The following WIZ variants were observed in gnomAD, a reference collection of about 807,000 sequenced individuals.
The protein encoded by WIZ is WIZ zinc finger.
WIZ carries 25 observed loss-of-function variants against 140.2 expected under a neutral mutation model. The observed-to-expected ratio is 0.18, with a 90% CI of 0.13 to 0.25. The LOEUF (loss-of-function observed/expected upper bound fraction) is 0.25, where lower values mean the gene tolerates loss of function less well. Ranked by LOEUF, WIZ falls within the 10% of genes least tolerant of loss-of-function variation. The pLI, the probability that WIZ is intolerant of heterozygous loss-of-function variation, is 1.00. For synonymous variants in WIZ, 1,125 were observed against 1,154.3 expected (o/e 0.97, Z 0.51); for missense variants, 2,231 against 2,632.6 (o/e 0.85, Z 3.34).
rs755049640 is a variant in WIZ, at chr19:15,439,575, C to T, written c.1419G>A (p.Ala473=). The change falls in exon 4 of 13, where the codon GCG becomes GCA. Residue 473 remains alanine (A), a synonymous_variant. Coordinates refer to ENST00000673675, the MANE Select transcript of WIZ (RefSeq NM_001371589.1). This position sits in a 1 kb window ranked among gnomAD's most constrained non-coding sequence, Gnocchi z 7.0. ...LSACVFCGFP[A]PSESLLREHV... ...GCTCCCTGAGCAGGCTCTCGCTGGG[C>T]GCGGGGAAACCACAGAAGACACAGG... 7.0e-5 allele frequency: 104 copies of T among 1,490,752 alleles called. No homozygotes were observed. Among genetic ancestry groups the T allele is most frequent in the Admixed American group, 1.6e-4 (7 of 43,778 alleles). 92.3% of individuals were successfully genotyped at this position (1,490,752 alleles called of 1,614,324 possible). A position where few individuals can be genotyped will look rare whatever the true frequency, so the allele number is the denominator to read the frequency against.
At position 15,428,609 on chromosome 19, in the gene WIZ, G is replaced by A; in HGVS notation, c.3416-101C>T. 2.1e-6 allele frequency: 3 copies of A among 1,403,848 alleles called. No individual in the cohort carries two copies. Among genetic ancestry groups the A allele is most frequent in the Non-Finnish European group, 2.9e-6 (3 of 1,038,246 alleles). The allele number at this position is 1,403,848 out of a possible 1,614,324, so 87.0% of individuals were successfully genotyped here. A position where few individuals can be genotyped will look rare whatever the true frequency, so the allele number is the denominator to read the frequency against. On this transcript the variant is annotated intron_variant, in intron 7 of 12. Coordinates refer to ENST00000673675, the MANE Select transcript of WIZ (RefSeq NM_001371589.1). This position sits in a 1 kb window ranked among gnomAD's most constrained non-coding sequence, Gnocchi z 6.4. ...GGTGTGATTTTTGGCTGCTCAGGCA[G>A]TTGGGGGGTCCAAGACTCAGGCCGC...
intron 5 of WIZ, among the ~76,000 whole-genome samples, chr19:15,431,773 G>A (rs1969255818): frequency 6.6e-6 from 1 of 152,248 alleles, no homozygotes; most frequent in Non-Finnish European, 1.5e-5. Context: ...TCTGACTTCG[G>A]ACAGAAAGAG....
chr19:15,424,674 A>G lies in WIZ; in HGVS notation c.5253T>C (p.Pro1751=), dbSNP rs1344149383. ...AGRAADGGER[P]LAASPPGTVK... The stretch of plus-strand genomic sequence containing the variant: ...CGGTGCCTGGCGGGCTGGCTGCCAG[A>G]GGCCGCTCACCACCGTCGGCTGCCC... The change falls in exon 11 of 13, where the codon CCT becomes CCC. Residue 1751 remains proline, a synonymous_variant. Transcript: ENST00000673675. The surrounding 1 kb of genome is among the most constrained non-coding windows in gnomAD (Gnocchi z 9.7). 1 of 1,590,016 alleles carries G rather than the reference A, an allele frequency of 6.3e-7. No homozygotes were observed. Among genetic ancestry groups the G allele is most frequent in the Non-Finnish European group, 8.5e-7 (1 of 1,176,886 alleles).
In WIZ at chr19:15,432,522, T is replaced by G. The variant is rs1163032017; in HGVS notation, c.2741-1340A>C. On this transcript the variant is annotated intron_variant, in intron 5 of 12. Coordinates refer to ENST00000673675, the MANE Select transcript of WIZ (RefSeq NM_001371589.1). ...GCGGCGGTGGCGGTGGCGGTGGTGG[T>G]GGCGGCGGCGGCGGGGGTGGGGGCG... is the stretch of plus-strand genomic sequence containing the variant. The G allele has an allele frequency of 3.9e-4, 89 of 229,558 alleles. 2 individuals carry two copies. The highest frequency in any genetic ancestry group is 8.9e-4 in the Admixed American group (9 of 10,092). The allele number at this position is 229,558 out of a possible 1,614,324, so 14.2% of individuals were successfully genotyped here. A position where few individuals can be genotyped will look rare whatever the true frequency, so the allele number is the denominator to read the frequency against.
intron 2 of WIZ, among the ~76,000 whole-genome samples, chr19:15,447,242 C>T (rs890896652): frequency 1.3e-5 from 2 of 152,130 alleles, no homozygotes; most frequent in East Asian, 1.9e-4. Context: ...TCCTTGGACA[C>T]GTCAGGCTCC....
rs1969786588 is a variant in WIZ at position 15,442,687 on chromosome 19, C to A, written c.267G>T (p.Arg89=). Residue 89 remains arginine (R), a synonymous_variant, in exon 3 of 13, where the codon CGG becomes CGT. Transcript: ENST00000673675. The surrounding 1 kb of genome is among the most constrained non-coding windows in gnomAD (Gnocchi z 5.5). The stretch of plus-strand genomic sequence containing the variant: ...AGCATGGCACTCACCAGCTGCTGAT[C>A]CGATGGGTGGCGGAGGTGACACGGG... ...ALPRVTSATH[R]ISSCCWDGGS... is the part of the protein sequence containing the mutation. The A allele has an allele frequency of 8.1e-7, 1 of 1,232,590 alleles. No homozygotes were observed. The highest frequency in any genetic ancestry group is 1.0e-6 in the Non-Finnish European group (1 of 988,326). 76.4% of individuals were successfully genotyped at this position (1,232,590 alleles called of 1,614,324 possible). A position where few individuals can be genotyped will look rare whatever the true frequency, so the allele number is the denominator to read the frequency against.
rs1158817688 is a variant in WIZ at position 15,421,379 on chromosome 19, G to T, written c.*1697C>A. Reference sequence around the variant, plus strand: ...TGTTAATCCCTCCTTCCCAGGAAGGGGTATGGTGGGAGGGCCCAGAAAGCA... The same window carrying T: ...TGTTAATCCCTCCTTCCCAGGAAGGTGTATGGTGGGAGGGCCCAGAAAGCA... On this transcript the variant is annotated 3_prime_UTR_variant, in exon 13 of 13. Transcript: ENST00000673675. The T allele has an allele frequency of 2.0e-5, 3 of 152,240 alleles. No individual in the cohort carries two copies. The highest frequency in any genetic ancestry group is 7.2e-5 in the African/African-American group (3 of 41,456). 9.4% of individuals were successfully genotyped at this position (152,240 alleles called of 1,614,324 possible).
chr19:15,429,548 C>T (rs921818472), intron 7 of WIZ, 38 bp downstream of exon 7: 12 of 1,335,166 alleles, frequency 9.0e-6, no homozygotes, highest in East Asian at 2.8e-5. Context: ...ACCCTCCCAG[C>T]GCCAGAACCT....
Position 15,424,346 on chromosome 19 carries a change from C to G in WIZ, c.5347G>C (p.Ala1783Pro). 1 of 1,602,540 alleles carries G rather than the reference C, an allele frequency of 6.2e-7. No individual in the cohort carries two copies. Among genetic ancestry groups the G allele is most frequent in the Non-Finnish European group, 8.5e-7 (1 of 1,176,776 alleles). Residue 1783 changes from alanine to proline, a missense_variant, in exon 12 of 13, where the codon GCC becomes CCC. Physicochemically the swap from Ala to Pro is conservative, Grantham distance 27 (BLOSUM62 -1). This residue lies in a region of WIZ where 299 missense variants were observed against 309.6 expected (regional missense o/e 0.97). Transcript: ENST00000673675. This position sits in a 1 kb window ranked among gnomAD's most constrained non-coding sequence, Gnocchi z 9.7. ...FERRQARPPD[A>P]SAARGGEDTN... ...TCCTCGCCTCCCCGGGCTGCGGAGG[C>G]ATCTGGAGGGCGGGCTTGTCGGCGT...
In WIZ at chr19:15,427,424, G is replaced by C. The variant is rs774882608; in HGVS notation, c.3924C>G (p.Gly1308=). 6.2e-7 allele frequency: 1 copy of C among 1,613,700 alleles called. No individual in the cohort carries two copies. The highest frequency in any genetic ancestry group is 1.1e-5 in the South Asian group (1 of 91,080). ...SHARSHLRQM[G]VTEWYVNGSP... ...AGCCATTGACGTACCACTCGGTCACGCCCATTTGCCGCAGATGGGAGCGCG... is the reference window on the plus strand; with the variant it reads ...AGCCATTGACGTACCACTCGGTCACCCCCATTTGCCGCAGATGGGAGCGCG... The change falls in exon 9 of 13, where the codon GGC becomes GGG. Residue 1308 remains glycine (G), a synonymous_variant. Transcript: ENST00000673675. The surrounding 1 kb of genome is among the most constrained non-coding windows in gnomAD (Gnocchi z 6.4).
intron 9 of WIZ, 75 bp downstream of exon 9, chr19:15,426,903 ACTCT>A: frequency 3.3e-6 from 5 of 1,507,222 alleles, no homozygotes; most frequent in Non-Finnish European, 2.7e-6. Context: ...AACCCTAGGC[ACTCT>A]GGATACCCCC....
At chr19:15,448,023 G>C (rs1334560380) in intron 2 of WIZ, 80 bp downstream of exon 2, 2 of 1,533,620 alleles carry the variant, frequency 1.3e-6, no homozygotes, top group Middle Eastern at 1.7e-4. Context: ...AGCCGCTGCT[G>C]CGCTGGGTGA....
At chr19:15,435,233 C>CAA (rs373522229) in intron 5 of WIZ, among the ~76,000 whole-genome samples, 34 of 150,108 alleles carry the variant, frequency 2.3e-4, no homozygotes, top group African/African-American at 7.1e-4. Context: ...AACCAACAAA[C>CAA]AAAAAAAAAC....
intron 5 of WIZ, chr19:15,436,494 G>A (rs1225666834): frequency 3.3e-6 from 1 of 302,414 alleles, no homozygotes; most frequent in Non-Finnish European, 6.0e-6. Context: ...GGATGTAAAT[G>A]AGTTCATGTT....
At position 15,425,817 on chromosome 19, in the gene WIZ, G is replaced by A. The variant is rs1968740608; in HGVS notation, c.4367-49C>T. Reference sequence around the variant, plus strand: ...GAAGGAGGAGGAGGAGGAGGAGGAGGGAGGAGGAGGGAGGAGGAGGGAGGA... The same window carrying A: ...GAAGGAGGAGGAGGAGGAGGAGGAGAGAGGAGGAGGGAGGAGGAGGGAGGA... On this transcript the variant is annotated intron_variant, in intron 9 of 12. Transcript: ENST00000673675. The A allele has an allele frequency of 1.2e-4, 11 of 92,640 alleles. 1 individual carries two copies. The highest frequency in any genetic ancestry group is 1.6e-4 in the Non-Finnish European group (10 of 62,066). 5.7% of individuals were successfully genotyped at this position (92,640 alleles called of 1,614,324 possible).
chr19:15,428,348 G>A lies in WIZ; in HGVS notation c.3576C>T (p.Leu1192=). The A allele has an allele frequency of 6.5e-7, 1 of 1,535,276 alleles. No individual in the cohort carries two copies. The highest frequency in any genetic ancestry group is 8.7e-7 in the Non-Finnish European group (1 of 1,146,644). The change falls in exon 8 of 13, where the codon CTC becomes CTT. Residue 1192 remains leucine (L), a synonymous_variant. Transcript: ENST00000673675. The surrounding 1 kb of genome is among the most constrained non-coding windows in gnomAD (Gnocchi z 6.4). ...KGSPIDVLHG[L]IRRDGVQIRL... is the part of the protein sequence containing the mutation. The stretch of plus-strand genomic sequence containing the variant: ...GGATCTGGACGCCGTCCCTCCTGAT[G>A]AGCCCGTGGAGCACGTCTATGGGGG...
In WIZ at chr19:15,440,675, G is replaced by A. The variant is rs1969709983; in HGVS notation, c.319C>T (p.Pro107Ser). ...AAATGGCCCAGGAGATGGGGTGGTGGGGAGCCCGGCCGGAAGTCCAGGCTG... is the reference window on the plus strand; with the variant it reads ...AAATGGCCCAGGAGATGGGGTGGTGAGGAGCCCGGCCGGAAGTCCAGGCTG... The part of the protein sequence containing the change: ...GGSLDFRPGS[P>S]PPHLLGHFPG... Residue 107 changes from proline (P) to serine (S), a missense_variant, in exon 4 of 13, where the codon CCA (proline) becomes TCA (serine). Pro to Ser is a moderately conservative substitution (Grantham distance 74, BLOSUM62 -1). This residue lies in a region of WIZ where 307 missense variants were observed against 294.1 expected (regional missense o/e 1.04). Coordinates refer to ENST00000673675, the MANE Select transcript of WIZ (RefSeq NM_001371589.1). This position sits in a 1 kb window ranked among gnomAD's most constrained non-coding sequence, Gnocchi z 6.2. 4 of 1,516,970 alleles carry A rather than the reference G, an allele frequency of 2.6e-6. No homozygotes were observed. Among genetic ancestry groups the A allele is most frequent in the Non-Finnish European group, 2.6e-6 (3 of 1,134,124 alleles). The allele number at this position is 1,516,970 out of a possible 1,614,324, so 94.0% of individuals were successfully genotyped here.
At position 15,420,941 on chromosome 19, in the gene WIZ, C is replaced by T. The variant is rs889665689; in HGVS notation, c.*2135G>A. On this transcript the variant is annotated 3_prime_UTR_variant, in exon 13 of 13. Transcript: ENST00000673675. ...ACCAGCCCGGGCAACATGGTGAAAC[C>T]CCCGTCTCTACAAAAATTACAGATA... 2 of 152,058 alleles carry T rather than the reference C, an allele frequency of 1.3e-5. No individual in the cohort carries two copies. The highest frequency in any genetic ancestry group is 4.8e-5 in the African/African-American group (2 of 41,362). The allele number at this position is 152,058 out of a possible 1,614,324, so 9.4% of individuals were successfully genotyped here.
intron 9 of WIZ, 84 bp downstream of exon 9, chr19:15,426,898 T>G (rs574717739): frequency 6.7e-7 from 1 of 1,497,814 alleles, no homozygotes; most frequent in Non-Finnish European, 9.0e-7. Flanking sequence ...AATTCAACCC[T>G]AGGCACTCTG....
Sources: gnomAD v4.1 joint callset for allele counts (sites outside exome capture counted in the v4.1 genomes callset) on GRCh38, gnomAD v4.1.1 for gene constraint, gnomAD v4.1.1 regional missense constraint, Gnocchi (gnomAD v3.1) non-coding constraint, MANE v1.5 for transcripts, NCBI Gene and HGNC (gene_info 2026-07-23, HGNC 2026-07-21) for gene names.